ANTXRL: variants seen among roughly 807,000 people sequenced by gnomAD.
ANTXRL encodes the protein anthrax toxin receptor-like.
A neutral mutation model predicts 75.4 loss-of-function variants in ANTXRL; 63 were observed. The observed-to-expected ratio is 0.84, with a 90% CI of 0.68 to 1.03. ANTXRL has a LOEUF of 1.03. Among genes scored for constraint, ANTXRL ranks in the 50% least tolerant of loss-of-function variants. The probability of loss-of-function intolerance (pLI) is 0.00; values close to 1 mark genes in which losing one functional copy is unlikely to be tolerated. For missense variants in ANTXRL, 797 were observed against 789.4 expected, an observed-to-expected ratio of 1.01 and a Z score of -0.12; for synonymous variants, 335 against 291.3, an observed-to-expected ratio of 1.15 and a Z score of -1.53.
At chr10:46,329,408 C>A (rs1250706286) in intron 16 of ANTXRL, among the ~76,000 whole-genome samples, 191 bp from the exon 17 acceptor site, 1 of 152,086 alleles carries the variant, frequency 6.6e-6, no homozygotes, top group South Asian at 2.1e-4. Context: ...ACTTTGAACG[C>A]TGGAGCTGAG....
At chr10:46,310,145 C>T (rs1838337865) in intron 13 of ANTXRL, among the ~76,000 whole-genome samples, 1 of 152,130 alleles carries the variant, frequency 6.6e-6, no homozygotes, top group African/African-American at 2.4e-5. Flanking sequence ...CGAACGCTGT[C>T]TTCTCCATGT....
At chr10:46,319,263 G>C in intron 16 of ANTXRL, among the ~76,000 whole-genome samples, 1 of 152,154 alleles carries the variant, frequency 6.6e-6, no homozygotes, top group East Asian at 1.9e-4. Context: ...GCCACTCTCT[G>C]TCACCATCAA....
At chr10:46,310,353 C>A in intron 13 of ANTXRL, 108 bp from the exon 14 acceptor site, 1 of 1,042,256 alleles carries the variant, frequency 9.6e-7, no homozygotes, top group Non-Finnish European at 1.4e-6. Flanking sequence ...ACCCCAAAGG[C>A]AGTGCTCTGT....
intron 12 of ANTXRL, 146 bp downstream of exon 12, chr10:46,307,626 T>G: frequency 1.3e-6 from 1 of 788,060 alleles, no homozygotes; most frequent in South Asian, 1.6e-5. Context: ...CAACCCGGCT[T>G]CTGGATGGTG....
At chr10:46,315,426 G>A (rs1461644259) in intron 16 of ANTXRL, among the ~76,000 whole-genome samples, 3 of 151,864 alleles carry the variant, frequency 2.0e-5, no homozygotes, top group Non-Finnish European at 4.4e-5. Context: ...TCAGTGAGAC[G>A]TCCTGCCAGG....
chr10:46,291,466 C>CA (rs34541786), intron 1 of ANTXRL, among the ~76,000 whole-genome samples: 25,507 of 151,040 alleles, frequency 0.17, 1,873 homozygotes, highest in South Asian at 0.21. Context: ...TTTATTTCTG[C>CA]AAAAAATGCT....
At position 46,311,488 on chromosome 10, in the gene ANTXRL, A is replaced by T. The variant is rs1407124202; in HGVS notation, c.1174-22A>T. The T allele has an allele frequency of 4.1e-5, 63 of 1,519,862 alleles. 1 individual carries two copies. The Admixed American group carries it at 9.5e-4, about 23-fold the overall frequency. The allele number at this position is 1,519,862 out of a possible 1,614,324, so 94.1% of individuals were successfully genotyped here. A position where few individuals can be genotyped will look rare whatever the true frequency, so the allele number is the denominator to read the frequency against. Reference sequence around the variant, plus strand: ...TGTGCCCTGCCAGCACTGTGAGCAGACAGTTGTTTTTCTTTTTTTAGGAGC... The same window carrying T: ...TGTGCCCTGCCAGCACTGTGAGCAGTCAGTTGTTTTTCTTTTTTTAGGAGC... On this transcript the variant is annotated intron_variant, in intron 14 of 16. Transcript: ENST00000620264.
chr10:46,321,583 A>G (rs1838979087), intron 16 of ANTXRL, among the ~76,000 whole-genome samples: 1 of 152,174 alleles, frequency 6.6e-6, no homozygotes, highest in South Asian at 2.1e-4. Flanking sequence ...TTCCTCTGAC[A>G]TAATTTCCAG....
chr10:46,292,163 T>G, intron 2 of ANTXRL, 34 bp downstream of exon 2: 1 of 1,533,020 alleles, frequency 6.5e-7, no homozygotes, highest in Non-Finnish European at 8.7e-7. Flanking sequence ...TCCCCTGAGC[T>G]GCAGAGAGCT....
In ANTXRL at chr10:46,296,022, T is replaced by C; in HGVS notation, c.396T>C (p.Asn132=). ...CACCTTTTTAAATTTTTTTCAGGAA[T>C]AGAATAAAAAACGGTCTTGACCAAC... ...QTVLPLTSDK[N]RIKNGLDQLQ... The change falls in exon 4 of 17, where the codon AAT becomes AAC. Residue 132 remains asparagine, a synonymous_variant. Coordinates refer to ENST00000620264, the MANE Select transcript of ANTXRL (RefSeq NM_001278688.3). The C allele has an allele frequency of 6.5e-7, 1 of 1,535,540 alleles. No individual in the cohort carries two copies. Among genetic ancestry groups the C allele is most frequent in the Non-Finnish European group, 8.7e-7 (1 of 1,146,502 alleles).
intron 16 of ANTXRL, among the ~76,000 whole-genome samples, chr10:46,317,212 A>C (rs1269428683): frequency 6.6e-6 from 1 of 152,148 alleles, no homozygotes; most frequent in Non-Finnish European, 1.5e-5. Context: ...ATGCCACAGG[A>C]CCTTAATTTA....
At chr10:46,305,608 C>T (rs1365471459) in intron 10 of ANTXRL, among the ~76,000 whole-genome samples, 1 of 152,106 alleles carries the variant, frequency 6.6e-6, no homozygotes, top group East Asian at 1.9e-4. Flanking sequence ...AGAGCTGGAG[C>T]CAGGCCAGCA....
At chr10:46,306,913 G>A (rs1838127298) in intron 11 of ANTXRL, 41 bp downstream of exon 11, 2 of 1,483,262 alleles carry the variant, frequency 1.3e-6, no homozygotes, top group South Asian at 1.3e-5. Flanking sequence ...AAGAGACCAG[G>A]GAGTCAGGGT....
At chr10:46,297,225 G>C in intron 5 of ANTXRL, 27 bp from the exon 6 acceptor site, 3 of 1,531,112 alleles carry the variant, frequency 2.0e-6, no homozygotes, top group South Asian at 2.4e-5. Context: ...CCTTTGCTGA[G>C]CAGGCCACTC....
chr10:46,308,236 C>T (rs1342415919), intron 12 of ANTXRL, among the ~76,000 whole-genome samples: 2 of 152,152 alleles, frequency 1.3e-5, no homozygotes, highest in African/African-American at 2.4e-5. Context: ...GATCTGCAGG[C>T]TGAATGCACG....
rs1370399667 is a variant in ANTXRL, at chr10:46,312,473, C to T, written c.1330-763C>T. On this transcript the variant is annotated intron_variant, in intron 15 of 16. Transcript: ENST00000620264. ...AGGGAGAGGGACCCCAGAGTTCCTA[C>T]CTGGCTCTGCCCCTCTCCCCCTTGG... Among the ~76,000 whole-genome samples the T allele has an allele frequency of 2.0e-5, 3 of 147,406 alleles. No individual in the cohort carries two copies. In the South Asian group the frequency reaches 6.6e-4, roughly 33 times the overall value.
intron 3 of ANTXRL, 154 bp downstream of exon 3, chr10:46,294,054 C>T (rs1327840772): frequency 1.1e-5 from 7 of 642,178 alleles, no homozygotes; most frequent in Non-Finnish European, 1.6e-5. Context: ...CTGACCTTAG[C>T]CCCGGCTCCC....
intron 15 of ANTXRL, among the ~76,000 whole-genome samples, chr10:46,312,908 G>T (rs1838510648): frequency 6.6e-6 from 1 of 152,018 alleles, no homozygotes; most frequent in Non-Finnish European, 1.5e-5. Flanking sequence ...CCCATGCTGG[G>T]CCCCCAGGCC....
At position 46,330,055 on chromosome 10, in the gene ANTXRL, T is replaced by C; in HGVS notation, c.1867T>C (p.Ser623Pro). The C allele has an allele frequency of 6.6e-7, 1 of 1,508,872 alleles. No individual in the cohort carries two copies. Among genetic ancestry groups the C allele is most frequent in the East Asian group, 2.5e-5 (1 of 40,044 alleles). 93.5% of individuals were successfully genotyped at this position (1,508,872 alleles called of 1,614,324 possible). A position where few individuals can be genotyped will look rare whatever the true frequency, so the allele number is the denominator to read the frequency against. The change falls in exon 17 of 17, where the codon TCA (serine) becomes CCA (proline). Residue 623 changes from serine to proline, a missense_variant. By Grantham distance (74) the Ser-to-Pro change is moderately conservative. Coordinates refer to ENST00000620264, the MANE Select transcript of ANTXRL (RefSeq NM_001278688.3). ...CAGGCACACGGCAGAACCCCCTTTG[T>C]CACTCCCCCCCTCAGAGCCCAACTT... Reference protein sequence around the residue: ...LLRHTAEPPLSLPPSEPNF With the variant: ...LLRHTAEPPLPLPPSEPNF
Sources: gnomAD v4.1 joint callset for allele counts (sites outside exome capture counted in the v4.1 genomes callset) on GRCh38, gnomAD v4.1.1 for gene constraint, MANE v1.5 for transcripts, NCBI Gene and HGNC (gene_info 2026-07-23, HGNC 2026-07-21) for gene names.